The following ZNF844 variants were observed in gnomAD, a reference collection of about 807,000 sequenced individuals.
The protein encoded by ZNF844 is zinc finger protein 844.
In ZNF844, 11 loss-of-function variants were observed where a neutral mutation model predicts 11.4. That is an observed-to-expected ratio of 0.97 (90% confidence interval 0.61 to 1.60). The LOEUF is 1.60. ZNF844 is among the 40% of genes most tolerant of loss of function. The pLI is 0.00. For synonymous variants in ZNF844, 248 were observed against 260.3 expected, an observed-to-expected ratio of 0.95 and a Z score of 0.46; for missense variants, 790 against 796.8, an observed-to-expected ratio of 0.99 and a Z score of 0.10.
In ZNF844 at chr19:12,071,978, C is replaced by A. The variant is rs561968923; in HGVS notation, c.4-2053C>A. On this transcript the variant is annotated intron_variant, in intron 1 of 3. Coordinates refer to ENST00000439326, the MANE Select transcript of ZNF844 (RefSeq NM_001136501.3). ...TCTTGGCTCACTGCAACCTCTGCCT[C>A]CTGGGTTCAAGCTGTTCTCTGCCTC... is the stretch of plus-strand genomic sequence containing the variant. Among the ~76,000 whole-genome samples the A allele has an allele frequency of 2.0e-5, 3 of 151,604 alleles. No homozygotes were observed. In the South Asian group the frequency reaches 6.2e-4, roughly 32 times the overall value.
chr19:12,070,059 A>G (rs1032725958), intron 1 of ZNF844: 3 of 150,310 alleles, frequency 2.0e-5, no homozygotes, highest in Non-Finnish European at 3.0e-5. Context: ...GGAGTTCGAG[A>G]CCTGCCTGGG....
intron 1 of ZNF844, among the ~76,000 whole-genome samples, chr19:12,069,178 C>CGTTTTTTTTTTTTTT (rs760998604): frequency 1.5e-5 from 2 of 137,478 alleles, no homozygotes; most frequent in African/African-American, 3.0e-5. Context: ...TTCTTTTATT[C>CGTTTTTTTTTTTTTT]CTTTTTTTTT....
At chr19:12,069,328 G>A (rs1311101830) in intron 1 of ZNF844, among the ~76,000 whole-genome samples, 7 of 151,074 alleles carry the variant, frequency 4.6e-5, no homozygotes, top group Non-Finnish European at 8.9e-5. Flanking sequence ...GATTACAGGC[G>A]CCCAGCACCA....
chr19:12,064,969 G>A, intron 1 of ZNF844, 93 bp downstream of exon 1: 1 of 1,402,962 alleles, frequency 7.1e-7, no homozygotes, highest in East Asian at 2.9e-5. Context: ...GCCGGGACCC[G>A]GACCTCCCCG....
At chr19:12,073,765 G>A (rs1599400193) in intron 1 of ZNF844, among the ~76,000 whole-genome samples, 3 of 152,180 alleles carry the variant, frequency 2.0e-5, no homozygotes, top group East Asian at 3.8e-4. Context: ...ATTAAGAGCA[G>A]CCCAGGCAGC....
At position 12,076,326 on chromosome 19, in the gene ZNF844, C is replaced by G. The variant is rs760424606; in HGVS notation, c.1206C>G (p.Ile402Met). The change falls in exon 4 of 4, where the codon ATC becomes ATG. Residue 402 changes from isoleucine to methionine, a missense_variant. Transcript: ENST00000439326. The stretch of plus-strand genomic sequence containing the variant: ...CAAGCACTGTGGTAAAGCCTTCAAT[C>G]GTTCCAGTTCCTTTCACTATCATGA... ...MNASTVVKPS[I>M]VPVPFTIMKG... The G allele has an allele frequency of 1.9e-6, 3 of 1,612,706 alleles. No individual in the cohort carries two copies. The highest frequency in any genetic ancestry group is 2.7e-5 in the African/African-American group (2 of 74,642).
At chr19:12,072,646 C>T (rs56019429) in intron 1 of ZNF844, among the ~76,000 whole-genome samples, 11,901 of 151,886 alleles carry the variant, frequency 0.078, 524 homozygotes, top group Middle Eastern at 0.099. Context: ...TGCAATGGCG[C>T]GATCTACGCT....
chr19:12,065,012 T>G, intron 1 of ZNF844, 136 bp downstream of exon 1: 1 of 941,130 alleles, frequency 1.1e-6, no homozygotes, highest in Non-Finnish European at 1.5e-6. Context: ...CGAGCCCCGC[T>G]GGCGCAGCTC....
chr19:12,067,073 T>C (rs1380045272), intron 1 of ZNF844, among the ~76,000 whole-genome samples: 1 of 151,992 alleles, frequency 6.6e-6, no homozygotes, highest in African/African-American at 2.4e-5. Context: ...GGTGGTACGC[T>C]CCTGTAGTCC....
At position 12,075,621 on chromosome 19, in the gene ZNF844, A is replaced by AC. The variant is rs1568360368; in HGVS notation, c.502dup (p.Leu168ProfsTer3). ...AAGAAAAGGCTCACACTGGAGAAAAACTCTATGATTGTAAAGAATGTGGAA... is the reference window on the plus strand; with the variant it reads ...AAGAAAAGGCTCACACTGGAGAAAAACCTCTATGATTGTAAAGAATGTGGAA... On this transcript the variant is annotated frameshift_variant, in exon 4 of 4. Transcript: ENST00000439326. LOFTEE classifies it low-confidence loss of function (END_TRUNC). 6.2e-7 allele frequency: 1 copy of AC among 1,612,634 alleles called. No homozygotes were observed. Among genetic ancestry groups the AC allele is most frequent in the Non-Finnish European group, 8.5e-7 (1 of 1,179,638 alleles).
Position 12,076,960 on chromosome 19 carries a change from A to G in ZNF844, c.1840A>G (p.Met614Val). 1 of 1,603,304 alleles carries G rather than the reference A, an allele frequency of 6.2e-7. No homozygotes were observed. Among genetic ancestry groups the G allele is most frequent in the Non-Finnish European group, 8.5e-7 (1 of 1,174,550 alleles). Residue 614 changes from methionine to valine, a missense_variant, in exon 4 of 4, where the codon ATG becomes GTG. Physicochemically the swap from Met to Val is conservative, Grantham distance 21. This residue lies in a region of ZNF844 where 657 missense variants were observed against 636.2 expected (regional missense o/e 1.03). Transcript: ENST00000439326. ...MQEHTLERNP[M>V]NVRNAEKRSI... The stretch of plus-strand genomic sequence containing the variant: ...AGAACACACCCTGGAGAGAAACCCT[A>G]TGAATGTAAGGAATGCGGAAAAGCG...
chr19:12,071,706 T>TC (rs1450353416), intron 1 of ZNF844, among the ~76,000 whole-genome samples: 1 of 151,788 alleles, frequency 6.6e-6, no homozygotes, highest in Admixed American at 6.6e-5. Context: ...GTTTTTTTTT[T>TC]TTTTTTACTT....
intron 1 of ZNF844, among the ~76,000 whole-genome samples, chr19:12,071,968 A>ACCTCTGCCTC (rs908941015): frequency 1.3e-5 from 2 of 151,458 alleles, no homozygotes; most frequent in Non-Finnish European, 2.9e-5. Context: ...GCTCACTGCA[A>ACCTCTGCCTC]CCTCTGCCTC....
chr19:12,065,467 G>T (rs1186231664), intron 1 of ZNF844, among the ~76,000 whole-genome samples: 1 of 151,948 alleles, frequency 6.6e-6, no homozygotes, highest in Admixed American at 6.6e-5. Flanking sequence ...TCGCCTGAGG[G>T]GTTCTTCCTG....
rs901680080 is a variant in ZNF844, at chr19:12,076,763, A to G, written c.1643A>G (p.Lys548Arg). ...KKPLDLSETF[K>R]FMKRHTLERN... ...CCTTTGGATCTGTCAGAAACCTTCAAATTCATGAAAAGACACACCCTGGAG... is the reference window on the plus strand; with the variant it reads ...CCTTTGGATCTGTCAGAAACCTTCAGATTCATGAAAAGACACACCCTGGAG... The change falls in exon 4 of 4, where the codon AAA (lysine) becomes AGA (arginine). Residue 548 changes from lysine (K) to arginine (R), a missense_variant. Coordinates refer to ENST00000439326, the MANE Select transcript of ZNF844 (RefSeq NM_001136501.3). 6.3e-7 allele frequency: 1 copy of G among 1,591,650 alleles called. No homozygotes were observed. Among genetic ancestry groups the G allele is most frequent in the South Asian group, 1.1e-5 (1 of 89,016 alleles).
rs778362637 is a variant in ZNF844, at chr19:12,074,080, G to T, written c.53G>T (p.Trp18Leu). The change falls in exon 2 of 4, where the codon TGG becomes TTG. Residue 18 changes from tryptophan to leucine, a missense_variant. Coordinates refer to ENST00000439326, the MANE Select transcript of ZNF844 (RefSeq NM_001136501.3). Reference protein sequence around the residue: ...DVAVNFTQEEWSLLDPSQKNL... With the variant: ...DVAVNFTQEELSLLDPSQKNL... Reference sequence around the variant, plus strand: ...GCTGTGAACTTCACCCAGGAGGAGTGGTCTTTGCTGGATCCTTCCCAGAAG... The same window carrying T: ...GCTGTGAACTTCACCCAGGAGGAGTTGTCTTTGCTGGATCCTTCCCAGAAG... 3.7e-6 allele frequency: 6 copies of T among 1,613,590 alleles called. No homozygotes were observed. Among genetic ancestry groups the T allele is most frequent in the Non-Finnish European group, 5.1e-6 (6 of 1,179,784 alleles).
rs1369499038 is a variant in ZNF844 at position 12,079,853 on chromosome 19, G to A, written c.*2732G>A. ...CCCAGCTACATGGGAGACTGAGGCA[G>A]GAGAATTGCTTGAACCTGGGAGGCG... On this transcript the variant is annotated 3_prime_UTR_variant, in exon 4 of 4. Transcript: ENST00000439326. 6.6e-6 allele frequency: 1 copy of A among 152,360 alleles called. No individual in the cohort carries two copies. The highest frequency in any genetic ancestry group is 6.6e-5 in the Admixed American group (1 of 15,226). 9.4% of individuals were successfully genotyped at this position (152,360 alleles called of 1,614,324 possible). A position where few individuals can be genotyped will look rare whatever the true frequency, so the allele number is the denominator to read the frequency against.
intron 1 of ZNF844, 70 bp from the exon 2 acceptor site, chr19:12,073,961 A>G: frequency 6.5e-7 from 1 of 1,533,046 alleles, no homozygotes. Context: ...GGAACTTCTT[A>G]GGAAGAGGGT....
rs781594037 is a variant in ZNF844 at position 12,076,253 on chromosome 19, G to A, written c.1133G>A (p.Arg378His). 3.6e-5 allele frequency: 58 copies of A among 1,608,460 alleles called. No homozygotes were observed. Among genetic ancestry groups the A allele is most frequent in the Middle Eastern group, 3.3e-4 (2 of 6,022 alleles). The change falls in exon 4 of 4, where the codon CGT becomes CAT. Residue 378 changes from arginine to histidine, a missense_variant. By Grantham distance (29) the Arg-to-His change is conservative (BLOSUM62 0). Around this residue, in one of 3 missense-constraint regions of ZNF844, gnomAD observed 657 missense variants for 636.2 expected, o/e 1.03. Transcript: ENST00000439326. Reference sequence around the variant, plus strand: ...GAAAAGCCTTTGATTCTCCCAGTTCGTTTTGAAGACATGAAAGAACTCACA... The same window carrying A: ...GAAAAGCCTTTGATTCTCCCAGTTCATTTTGAAGACATGAAAGAACTCACA... ...TVEKPLILPV[R>H]FEDMKELTLE... is the part of the protein sequence containing the mutation.
Sources: gnomAD v4.1 joint callset for allele counts (sites outside exome capture counted in the v4.1 genomes callset) on GRCh38, gnomAD v4.1.1 for gene constraint, gnomAD v4.1.1 regional missense constraint, MANE v1.5 for transcripts, NCBI Gene and HGNC (gene_info 2026-07-23, HGNC 2026-07-21) for gene names.